The following DRAXIN variants were observed in gnomAD, a reference collection of about 807,000 sequenced individuals.
DRAXIN encodes dorsal inhibitory axon guidance protein, also known as dorsal repulsive axon guidance protein.
DRAXIN carries 27 observed loss-of-function variants against 33.9 expected under a neutral mutation model. That is an observed-to-expected ratio of 0.80 (90% CI 0.59 to 1.10). DRAXIN has a LOEUF of 1.10. Ranked by LOEUF, DRAXIN falls within the 50% of genes least tolerant of loss-of-function variation. The probability of loss-of-function intolerance (pLI) is 0.00; values close to 1 mark genes in which losing one functional copy is unlikely to be tolerated. For missense variants in DRAXIN, 371 were observed against 460.8 expected (o/e 0.81, Z 1.78); for synonymous variants, 178 against 194.0 (o/e 0.92, Z 0.69).
chr1:11,689,132 C>T (rs896551585), upstream of DRAXIN, among the ~76,000 whole-genome samples: 5 of 152,002 alleles, frequency 3.3e-5, no homozygotes, highest in East Asian at 1.9e-4. Flanking sequence ...CCTGTCTCTA[C>T]TAAAAATACA....
rs1194930292 is a variant in DRAXIN, at chr1:11,694,156, C to G, written c.-11+2303C>G. On this transcript the variant is annotated intron_variant, in intron 1 of 6. Coordinates refer to ENST00000294485, the MANE Select transcript of DRAXIN (RefSeq NM_198545.4). This position sits in a 1 kb window ranked among gnomAD's most constrained non-coding sequence, Gnocchi z 4.9. ...ATAATCCCTATCTGGGAGGGGTCTG[C>G]TCCTCCCTGGGTGGGGGCTGGGTCT... 6.6e-6 allele frequency among the ~76,000 whole-genome samples: 1 copy of G among 152,108 alleles called. No individual in the cohort carries two copies. Among genetic ancestry groups the G allele is most frequent in the Non-Finnish European group, 1.5e-5 (1 of 68,026 alleles).
chr1:11,717,355 G>A (rs759750305), intron 6 of DRAXIN, among the ~76,000 whole-genome samples: 4 of 151,818 alleles, frequency 2.6e-5, no homozygotes, highest in South Asian at 4.2e-4. Flanking sequence ...AGTTGTTTTA[G>A]AAAGGGTAGA....
chr1:11,694,387 C>T lies in DRAXIN; in HGVS notation c.-11+2534C>T, dbSNP rs924947533. On this transcript the variant is annotated intron_variant, in intron 1 of 6. Coordinates refer to ENST00000294485, the MANE Select transcript of DRAXIN (RefSeq NM_198545.4). This position sits in a 1 kb window ranked among gnomAD's most constrained non-coding sequence, Gnocchi z 4.9. The stretch of plus-strand genomic sequence containing the variant: ...GAGGTTGGAGGGGGAGCAAGCTGCC[C>T]GGAAACCCCTGTGATACTGAGGCCC... 4.6e-5 allele frequency among the ~76,000 whole-genome samples: 7 copies of T among 151,852 alleles called. No individual in the cohort carries two copies. The highest frequency in any genetic ancestry group is 3.9e-4 in the Admixed American group (6 of 15,246).
Position 11,702,315 on chromosome 1 carries a change from CGCTCACGCACAT to C in DRAXIN, c.-10-3930_-10-3919del, listed in dbSNP as rs940489230. Among the ~76,000 whole-genome samples the C allele has an allele frequency of 2.6e-5, 4 of 151,082 alleles. 1 individual carries two copies. The highest frequency in any genetic ancestry group is 1.5e-5 in the Non-Finnish European group (1 of 67,744). On this transcript the variant is annotated intron_variant, in intron 1 of 6. Coordinates refer to ENST00000294485, the MANE Select transcript of DRAXIN (RefSeq NM_198545.4). ...CTCACATGCTCACAGCACACACACA[CGCTCACGCACAT>C]GCTAACACTCCCACACATACACTGA...
Position 11,696,007 on chromosome 1 carries a change from A to G in DRAXIN, c.-11+4154A>G, listed in dbSNP as rs996372952. ...CTGCTGTCGGAAACAATAAAAGCAG[A>G]TGGAGCTGCCCCTGCAGGGAAGCCA... On this transcript the variant is annotated intron_variant, in intron 1 of 6. Transcript: ENST00000294485. The surrounding 1 kb of genome is among the most constrained non-coding windows in gnomAD (Gnocchi z 4.7). 6.6e-6 allele frequency among the ~76,000 whole-genome samples: 1 copy of G among 152,210 alleles called. No homozygotes were observed. The highest frequency in any genetic ancestry group is 1.5e-5 in the Non-Finnish European group (1 of 68,034).
chr1:11,715,078 G>A lies in DRAXIN; in HGVS notation c.848-41G>A, dbSNP rs201749506. The A allele has an allele frequency of 3.6e-5, 58 of 1,607,848 alleles. No homozygotes were observed. In the African/African-American group the frequency reaches 5.6e-4, roughly 16 times the overall value. ...CGAGTGCAGGGCTGCGGGGAGGGGC[G>A]GCTCAGCTTGGCTGACTGCGTGTGC... On this transcript the variant is annotated intron_variant, in intron 5 of 6. Coordinates refer to ENST00000294485, the MANE Select transcript of DRAXIN (RefSeq NM_198545.4).
intron 6 of DRAXIN, among the ~76,000 whole-genome samples, chr1:11,718,000 C>CAAACAAAAAAA (rs1641604925): frequency 1.2e-5 from 1 of 80,890 alleles, no homozygotes; most frequent in East Asian, 4.1e-4. Context: ...GACCCTGTCT[C>CAAACAAAAAAA]AAAAAAAAAA....
chr1:11,707,465 G>A lies in DRAXIN; in HGVS notation c.451+756G>A, dbSNP rs565028134. On this transcript the variant is annotated intron_variant, in intron 2 of 6. Transcript: ENST00000294485. ...TGGGCAAGTTCTCTTTCTGTGCCTC[G>A]GTTTTCCCCTCTGTAAAGCAAGGAG... Among the ~76,000 whole-genome samples, 61 of 152,304 alleles carry A rather than the reference G, an allele frequency of 4.0e-4. 2 individuals carry two copies. In the South Asian group the frequency reaches 0.012, roughly 30 times the overall value.
intron 1 of DRAXIN, among the ~76,000 whole-genome samples, chr1:11,702,723 T>G (rs999795361): frequency 6.6e-6 from 1 of 151,752 alleles, no homozygotes; most frequent in Non-Finnish European, 1.5e-5. Context: ...GATTTATTTA[T>G]GATCTTCTGC....
intron 6 of DRAXIN, among the ~76,000 whole-genome samples, chr1:11,717,519 G>A (rs562674492): frequency 2.0e-4 from 30 of 151,712 alleles, no homozygotes; most frequent in Middle Eastern, 6.9e-3. Context: ...AAAATTAGCC[G>A]GGTGTGGTGA....
chr1:11,709,179 G>A (rs1444226107), intron 2 of DRAXIN, 96 bp from the exon 3 acceptor site: 2 of 1,300,540 alleles, frequency 1.5e-6, no homozygotes, highest in African/African-American at 1.5e-5. Context: ...AGTGCCTGCT[G>A]CCTCCTAGTT....
At chr1:11,688,255 C>G (rs1165001530), upstream of DRAXIN, among the ~76,000 whole-genome samples, 1 of 152,156 alleles carries the variant, frequency 6.6e-6, no homozygotes, top group East Asian at 1.9e-4. The surrounding 1 kb of genome is among the most constrained non-coding windows in gnomAD (Gnocchi z 4.6). Flanking sequence ...AGACTACTCC[C>G]AACCTTAGGA....
intron 1 of DRAXIN, among the ~76,000 whole-genome samples, chr1:11,695,904 G>A (rs1309768361): frequency 6.6e-6 from 1 of 152,128 alleles, no homozygotes; most frequent in Non-Finnish European, 1.5e-5. Flanking sequence ...GAATGGGTGG[G>A]GCCTCTGATG....
intron 4 of DRAXIN, 58 bp downstream of exon 4, chr1:11,712,023 C>G: frequency 2.6e-6 from 4 of 1,525,658 alleles, no homozygotes; most frequent in Non-Finnish European, 3.6e-6. Flanking sequence ...CCCGCACCAT[C>G]TGTTGAGGTG....
chr1:11,715,109 G>C lies in DRAXIN; in HGVS notation c.848-10G>C, dbSNP rs779578122. Reference sequence around the variant, plus strand: ...GCTTGGCTGACTGCGTGTGCTCTCTGTGTTGGCAGGGACTTGCTGCGACCT... The same window carrying C: ...GCTTGGCTGACTGCGTGTGCTCTCTCTGTTGGCAGGGACTTGCTGCGACCT... On this transcript the variant is annotated splice_polypyrimidine_tract_variant and intron_variant, in intron 5 of 6. Coordinates refer to ENST00000294485, the MANE Select transcript of DRAXIN (RefSeq NM_198545.4). 26 of 1,614,100 alleles carry C rather than the reference G, an allele frequency of 1.6e-5. 1 individual carries two copies. In the South Asian group the frequency reaches 2.5e-4, roughly 16 times the overall value.
At chr1:11,698,332 C>G (rs915138288) in intron 1 of DRAXIN, among the ~76,000 whole-genome samples, 6 of 152,158 alleles carry the variant, frequency 3.9e-5, no homozygotes, top group African/African-American at 1.4e-4. Context: ...ACTTTCCAGC[C>G]CTAGGGGTGT....
rs976362839 is a variant in DRAXIN at position 11,705,148 on chromosome 1, G to C, written c.-10-1101G>C. Among the ~76,000 whole-genome samples, 7 of 152,306 alleles carry C rather than the reference G, an allele frequency of 4.6e-5. No individual in the cohort carries two copies. Among genetic ancestry groups the C allele is most frequent in the African/African-American group, 1.4e-4 (6 of 41,564 alleles). On this transcript the variant is annotated intron_variant, in intron 1 of 6. Transcript: ENST00000294485. The surrounding 1 kb of genome is among the most constrained non-coding windows in gnomAD (Gnocchi z 4.8). Reference sequence around the variant, plus strand: ...ATATGGCCACAAATCACAAAGAAACGGTGGCGTAAGCACCCTTGCCAGCCT... The same window carrying C: ...ATATGGCCACAAATCACAAAGAAACCGTGGCGTAAGCACCCTTGCCAGCCT...
At position 11,713,769 on chromosome 1, in the gene DRAXIN, G is replaced by A. The variant is rs1225119281; in HGVS notation, c.847+1340G>A. 7.9e-5 allele frequency among the ~76,000 whole-genome samples: 12 copies of A among 152,078 alleles called. No individual in the cohort carries two copies. The South Asian group carries it at 8.3e-4, about 11-fold the overall frequency. On this transcript the variant is annotated intron_variant, in intron 5 of 6. Coordinates refer to ENST00000294485, the MANE Select transcript of DRAXIN (RefSeq NM_198545.4). Reference sequence around the variant, plus strand: ...AAAATAACCAGGCTTGGCTGGGTGCGGTGGCTCACGCCTATAATCCCAGCC... The same window carrying A: ...AAAATAACCAGGCTTGGCTGGGTGCAGTGGCTCACGCCTATAATCCCAGCC...
In DRAXIN at chr1:11,694,448, CTGT is replaced by C. The variant is rs1267543423; in HGVS notation, c.-11+2597_-11+2599del. 3.4e-4 allele frequency among the ~76,000 whole-genome samples: 52 copies of C among 152,146 alleles called. No individual in the cohort carries two copies. Among genetic ancestry groups the C allele is most frequent in the African/African-American group, 1.3e-3 (52 of 41,496 alleles). On this transcript the variant is annotated intron_variant, in intron 1 of 6. Coordinates refer to ENST00000294485, the MANE Select transcript of DRAXIN (RefSeq NM_198545.4). This position sits in a 1 kb window ranked among gnomAD's most constrained non-coding sequence, Gnocchi z 4.9. ...TGGAAAATGAGGGTGGTCTCTGTGC[CTGT>C]TATAGGGGTAGAAACTGAGACCAGA... is the stretch of plus-strand genomic sequence containing the variant.
Sources: gnomAD v4.1 joint callset for allele counts (sites outside exome capture counted in the v4.1 genomes callset) on GRCh38, gnomAD v4.1.1 for gene constraint, Gnocchi (gnomAD v3.1) non-coding constraint, MANE v1.5 for transcripts, NCBI Gene and HGNC (gene_info 2026-07-23, HGNC 2026-07-21) for gene names.